The following GNPNAT1 variants were observed in gnomAD, a reference collection of about 807,000 sequenced individuals.
GNPNAT1 encodes the protein glucosamine 6-phosphate N-acetyltransferase.
In GNPNAT1, 11 loss-of-function variants were observed where a neutral mutation model predicts 19.8. The observed-to-expected ratio is 0.56, with a 90% CI of 0.35 to 0.92. GNPNAT1 has a LOEUF of 0.92. GNPNAT1 is among the 40% of genes least tolerant of loss of function. The pLI is 0.01. For synonymous variants in GNPNAT1, 71 were observed against 72.3 expected (o/e 0.98, Z 0.09); for missense variants, 157 against 211.0 (o/e 0.74, Z 1.59).
Position 52,776,535 on chromosome 14 carries a change from G to C in GNPNAT1, c.*1776C>G, listed in dbSNP as rs1339774291. The C allele has an allele frequency of 6.6e-6, 1 of 152,136 alleles. No homozygotes were observed. The highest frequency in any genetic ancestry group is 1.5e-5 in the Non-Finnish European group (1 of 68,026). The allele number at this position is 152,136 out of a possible 1,614,324, so 9.4% of individuals were successfully genotyped here. A position where few individuals can be genotyped will look rare whatever the true frequency, so the allele number is the denominator to read the frequency against. On this transcript the variant is annotated 3_prime_UTR_variant, in exon 6 of 6. Transcript: ENST00000216410. ...GGTAAGAAAGGTAATAAAGCATTTA[G>C]TTGTGCCTTTAAGTAGGCTAATTTT... is the stretch of plus-strand genomic sequence containing the variant.
chr14:52,791,460 A>C lies in GNPNAT1; in HGVS notation c.-47T>G, dbSNP rs996817762. On this transcript the variant is annotated 5_prime_UTR_variant, in exon 1 of 6. Transcript: ENST00000216410. The surrounding 1 kb of genome is among the most constrained non-coding windows in gnomAD (Gnocchi z 4.1). ...GGCCCTGCGGTCGGCGCTCCTAGCC[A>C]GGCGCGTCGGACTCTCCCCCACCAG... 2.7e-4 allele frequency: 41 copies of C among 152,294 alleles called. No homozygotes were observed. Among genetic ancestry groups the C allele is most frequent in the African/African-American group, 9.7e-4 (40 of 41,378 alleles). 9.4% of individuals were successfully genotyped at this position (152,294 alleles called of 1,614,324 possible). A position where few individuals can be genotyped will look rare whatever the true frequency, so the allele number is the denominator to read the frequency against.
At position 52,778,001 on chromosome 14, in the gene GNPNAT1, C is replaced by A; in HGVS notation, c.*310G>T. 1 of 181,158 alleles carries A rather than the reference C, an allele frequency of 5.5e-6. No homozygotes were observed. The highest frequency in any genetic ancestry group is 1.7e-4 in the South Asian group (1 of 5,974). 11.2% of individuals were successfully genotyped at this position (181,158 alleles called of 1,614,324 possible). A position where few individuals can be genotyped will look rare whatever the true frequency, so the allele number is the denominator to read the frequency against. ...TAGCAGACATATAACTCCTTATTAC[C>A]CATACTCTTGACTACCAAGAAAGGA... On this transcript the variant is annotated 3_prime_UTR_variant, in exon 6 of 6. Transcript: ENST00000216410.
At chr14:52,787,048 A>T (rs1883039619) in intron 1 of GNPNAT1, among the ~76,000 whole-genome samples, 1 of 151,902 alleles carries the variant, frequency 6.6e-6, no homozygotes, top group African/African-American at 2.4e-5. Context: ...TGTACATTAT[A>T]CCAGATGTGG....
In GNPNAT1 at chr14:52,778,112, ATTC is replaced by A; in HGVS notation, c.*196_*198del. On this transcript the variant is annotated 3_prime_UTR_variant, in exon 6 of 6. Coordinates refer to ENST00000216410, the MANE Select transcript of GNPNAT1 (RefSeq NM_198066.4). ...GGTTAAAAATCATCCCCTTTATAAT[ATTC>A]ATTTGTAATCTAAATTCACAGCATG... is the stretch of plus-strand genomic sequence containing the variant. The A allele has an allele frequency of 2.7e-6, 1 of 371,248 alleles. No individual in the cohort carries two copies. The allele number at this position is 371,248 out of a possible 1,614,324, so 23.0% of individuals were successfully genotyped here. A position where few individuals can be genotyped will look rare whatever the true frequency, so the allele number is the denominator to read the frequency against.
chr14:52,781,589 T>A (rs952142239), intron 4 of GNPNAT1, among the ~76,000 whole-genome samples, 195 bp downstream of exon 4: 7 of 152,112 alleles, frequency 4.6e-5, no homozygotes, highest in African/African-American at 1.7e-4. Context: ...ACCAAATTGA[T>A]CCACCTTACA....
intron 5 of GNPNAT1, among the ~76,000 whole-genome samples, chr14:52,779,452 T>C (rs560649818): frequency 1.3e-5 from 2 of 152,242 alleles, no homozygotes; most frequent in East Asian, 3.9e-4. Context: ...GAAGTATGCC[T>C]GGCTGGTTGC....
rs532220261 is a variant in GNPNAT1 at position 52,777,991 on chromosome 14, T to TC, written c.*319dup. 1.6e-3 allele frequency: 276 copies of TC among 170,790 alleles called. No homozygotes were observed. Among genetic ancestry groups the TC allele is most frequent in the African/African-American group, 6.4e-3 (270 of 42,222 alleles). The allele number at this position is 170,790 out of a possible 1,614,324, so 10.6% of individuals were successfully genotyped here. On this transcript the variant is annotated 3_prime_UTR_variant, in exon 6 of 6. Transcript: ENST00000216410. ...GCAACACAGATAGCAGACATATAAC[T>TC]CCTTATTACCCATACTCTTGACTAC...
chr14:52,781,106 T>G (rs1882883960), intron 4 of GNPNAT1, among the ~76,000 whole-genome samples: 1 of 152,162 alleles, frequency 6.6e-6, no homozygotes, highest in Non-Finnish European at 1.5e-5. Flanking sequence ...TGAGTCAAGT[T>G]GTGACCTAAA....
chr14:52,777,387 A>C lies in GNPNAT1; in HGVS notation c.*924T>G, dbSNP rs1047608676. On this transcript the variant is annotated 3_prime_UTR_variant, in exon 6 of 6. Transcript: ENST00000216410. ...TAATGACCAGAATAGTGCCATTATA[A>C]TCACATCAAAAAGCTTCCATTAACA... 6.6e-6 allele frequency: 1 copy of C among 152,012 alleles called. No homozygotes were observed. Among genetic ancestry groups the C allele is most frequent in the African/African-American group, 2.4e-5 (1 of 41,064 alleles). The allele number at this position is 152,012 out of a possible 1,614,324, so 9.4% of individuals were successfully genotyped here. A position where few individuals can be genotyped will look rare whatever the true frequency, so the allele number is the denominator to read the frequency against.
Position 52,784,514 on chromosome 14 carries a change from G to A in GNPNAT1, c.137C>T (p.Thr46Ile), listed in dbSNP as rs774883068. Residue 46 changes from threonine to isoleucine, a missense_variant, in exon 2 of 6, where the codon ACT becomes ATT. By Grantham distance (89) the Thr-to-Ile change is moderately conservative. Coordinates refer to ENST00000216410, the MANE Select transcript of GNPNAT1 (RefSeq NM_198066.4). Reference sequence around the variant, plus strand: ...TACATTACCTCTATTTAAGTCAGCAGTACAAAGAGGCCTCAAAACCAAGCC... The same window carrying A: ...TACATTACCTCTATTTAAGTCAGCAATACAAAGAGGCCTCAAAACCAAGCC... Reference protein sequence around the residue: ...GEGLVLRPLCTADLNRGFFKV... With the variant: ...GEGLVLRPLCIADLNRGFFKV... The A allele has an allele frequency of 1.2e-5, 19 of 1,598,598 alleles. No homozygotes were observed. Among genetic ancestry groups the A allele is most frequent in the South Asian group, 7.9e-5 (7 of 88,266 alleles).
intron 5 of GNPNAT1, among the ~76,000 whole-genome samples, chr14:52,780,084 G>A (rs774946487): frequency 6.3e-4 from 96 of 152,198 alleles, no homozygotes; most frequent in Non-Finnish European, 1.1e-3. Context: ...AGGATTGCTT[G>A]AGCCCAGGAG....
intron 3 of GNPNAT1, among the ~76,000 whole-genome samples, chr14:52,782,970 A>G (rs747043047): frequency 6.6e-6 from 1 of 151,946 alleles, no homozygotes; most frequent in Admixed American, 6.6e-5. Flanking sequence ...CTAAATTCCT[A>G]TTTTCTCCTA....
At chr14:52,785,926 T>A (rs1394566533) in intron 1 of GNPNAT1, among the ~76,000 whole-genome samples, 3 of 150,876 alleles carry the variant, frequency 2.0e-5, no homozygotes, top group Admixed American at 6.6e-5. Context: ...TTTTTTTGTA[T>A]TTTTAGTAGA....
intron 2 of GNPNAT1, among the ~76,000 whole-genome samples, chr14:52,784,024 T>C (rs1372438990): frequency 6.6e-5 from 10 of 152,186 alleles, no homozygotes; most frequent in African/African-American, 1.9e-4. Context: ...AATTAGGCCC[T>C]TCAGGCTGTC....
intron 3 of GNPNAT1, 100 bp from the exon 4 acceptor site, chr14:52,782,011 A>G: frequency 9.4e-7 from 1 of 1,059,222 alleles, no homozygotes; most frequent in Non-Finnish European, 1.3e-6. Flanking sequence ...TAAATGTTTA[A>G]AGCTGTTTTA....
At chr14:52,780,620 G>T in intron 5 of GNPNAT1, 59 bp downstream of exon 5, 1 of 1,028,268 alleles carries the variant, frequency 9.7e-7, no homozygotes, top group Non-Finnish European at 1.5e-6. Flanking sequence ...CAAGTATCTT[G>T]TTAAGAAACT....
intron 1 of GNPNAT1, among the ~76,000 whole-genome samples, chr14:52,789,326 G>T (rs1444626550): frequency 6.6e-6 from 1 of 152,202 alleles, no homozygotes; most frequent in East Asian, 1.9e-4. Flanking sequence ...CACTGAAGAT[G>T]CACTAGAGTA....
At chr14:52,786,445 A>C (rs915346874) in intron 1 of GNPNAT1, among the ~76,000 whole-genome samples, 19 of 152,024 alleles carry the variant, frequency 1.2e-4, no homozygotes, top group Non-Finnish European at 2.4e-4. Context: ...TGGAGGCTGC[A>C]GTGAGCTGAG....
At chr14:52,785,981 C>T (rs947223346) in intron 1 of GNPNAT1, among the ~76,000 whole-genome samples, 2 of 149,624 alleles carry the variant, frequency 1.3e-5, no homozygotes, top group African/African-American at 2.4e-5. Flanking sequence ...AAATTCCTGA[C>T]CTCGGGTGAT....
Sources: allele counts gnomAD v4.1 joint callset (sites outside exome capture counted in the v4.1 genomes callset), GRCh38; gene constraint gnomAD v4.1.1; non-coding constraint Gnocchi (gnomAD v3.1); transcripts MANE v1.5; gene names NCBI Gene and HGNC (gene_info 2026-07-23, HGNC 2026-07-21).